The following ENTPD1 variants were observed in gnomAD, a reference collection of about 807,000 sequenced individuals.
The protein encoded by ENTPD1 is ATP diphosphohydrolase.
Under a neutral mutation model 57.0 loss-of-function variants are expected in ENTPD1, and 33 were observed. That is an observed-to-expected ratio of 0.58 (90% CI 0.44 to 0.77). The LOEUF (loss-of-function observed/expected upper bound fraction) is 0.77. Ranked by LOEUF, ENTPD1 falls within the 30% of genes least tolerant of loss-of-function variation. ENTPD1 has a pLI of 0.00. For missense variants in ENTPD1, 501 were observed against 603.4 expected (o/e 0.83, Z 1.78); for synonymous variants, 202 against 218.8 (o/e 0.92, Z 0.68).
chr10:95,719,340 C>T (rs558701790), intron 1 of ENTPD1, among the ~76,000 whole-genome samples: 16 of 152,316 alleles, frequency 1.1e-4, no homozygotes, highest in South Asian at 1.0e-3. Context: ...CCTGGAAAGC[C>T]GCTTCTGCTT....
Position 95,873,832 on chromosome 10 carries a change from A to G in ENTPD1, c.*7449A>G. 1 of 414,184 alleles carries G rather than the reference A, an allele frequency of 2.4e-6. No individual in the cohort carries two copies. The highest frequency in any genetic ancestry group is 3.3e-6 in the Non-Finnish European group (1 of 307,454). The allele number at this position is 414,184 out of a possible 1,614,324, so 25.7% of individuals were successfully genotyped here. ...AGGTGGGAGGCAAAAGGTACTTCTT[A>G]CGTGGTGGCATCAAGAGCAAAATGA... On this transcript the variant is annotated 3_prime_UTR_variant, in exon 10 of 10. Transcript: ENST00000371205.
exon 1 of ENTPD1, chr10:95,711,899 T>C: frequency 6.2e-7 from 1 of 1,611,806 alleles, no homozygotes; most frequent in African/African-American, 1.3e-5. Flanking sequence ...CCTTGGCCCC[T>C]CCAGTTTTGG....
At chr10:95,704,704 C>T in the ENTPD1 span, among the ~76,000 whole-genome samples, 75 of 152,078 alleles carry the variant, frequency 4.9e-4, no homozygotes, top group Non-Finnish European at 7.5e-4. Flanking sequence ...TAAGATAATA[C>T]GATCCTGAGG....
At chr10:95,843,293 T>C (rs1250062749) in intron 4 of ENTPD1, 1 of 152,242 alleles carries the variant, frequency 6.6e-6, no homozygotes, top group Non-Finnish European at 1.5e-5. Flanking sequence ...TTCTACCGGA[T>C]GTGCAAAGGT....
intron 1 of ENTPD1, among the ~76,000 whole-genome samples, chr10:95,772,057 A>C (rs1306369723): frequency 6.6e-6 from 1 of 152,224 alleles, no homozygotes; most frequent in Non-Finnish European, 1.5e-5. Flanking sequence ...GTACAATAGC[A>C]TTATGTTTAA....
chr10:95,839,465 A>G lies in ENTPD1; in HGVS notation c.145-226A>G. 6 of 569,762 alleles carry G rather than the reference A, an allele frequency of 1.1e-5. 1 individual carries two copies. The highest frequency in any genetic ancestry group is 1.9e-5 in the Non-Finnish European group (6 of 316,586). 35.3% of individuals were successfully genotyped at this position (569,762 alleles called of 1,614,324 possible). On this transcript the variant is annotated intron_variant, in intron 2 of 9. Transcript: ENST00000371205. ...CTGCTTCTTGGGCCCTGTTCTGCAT[A>G]AGGTCTGAATATTTCTAACATGCAA...
At chr10:95,844,889 T>A (rs568856977) in intron 5 of ENTPD1, 1 of 561,894 alleles carries the variant, frequency 1.8e-6, no homozygotes, top group African/African-American at 1.9e-5. Context: ...AATTAAAAAT[T>A]TATCATTAAA....
chr10:95,811,075 A>T (rs1473039168), intron 1 of ENTPD1, among the ~76,000 whole-genome samples: 1 of 152,246 alleles, frequency 6.6e-6, no homozygotes, highest in Non-Finnish European at 1.5e-5. Flanking sequence ...ATAGACATTT[A>T]ATTGCATGAC....
chr10:95,796,161 A>G (rs903533318), intron 1 of ENTPD1, among the ~76,000 whole-genome samples: 16 of 152,220 alleles, frequency 1.1e-4, no homozygotes, highest in Non-Finnish European at 1.9e-4. Context: ...CACTCATTCA[A>G]CTGACATATG....
upstream of ENTPD1, chr10:95,755,558 G>A (rs1271290701): frequency 1.7e-5 from 12 of 703,226 alleles, no homozygotes; most frequent in Non-Finnish European, 2.8e-5. Context: ...TCATAGCCAG[G>A]CAGCGGTTCC....
At chr10:95,710,021 C>A (rs1227521739), upstream of ENTPD1, among the ~76,000 whole-genome samples, 1 of 151,446 alleles carries the variant, frequency 6.6e-6, no homozygotes, top group Admixed American at 6.6e-5. Context: ...TGATCCACCC[C>A]CCTCGGCCTC....
rs2098481080 is a variant in ENTPD1 at position 95,872,052 on chromosome 10, G to C, written c.*5669G>C. 1.0e-6 allele frequency: 1 copy of C among 985,162 alleles called. No individual in the cohort carries two copies. 61.0% of individuals were successfully genotyped at this position (985,162 alleles called of 1,614,324 possible). A position where few individuals can be genotyped will look rare whatever the true frequency, so the allele number is the denominator to read the frequency against. On this transcript the variant is annotated 3_prime_UTR_variant, in exon 10 of 10. Transcript: ENST00000371205. ...TGAACCAAGATCAGCTCCATCACTG[G>C]GACCTCCCCATTCTGCCTGTGCAAT... is the stretch of plus-strand genomic sequence containing the variant.
At chr10:95,723,282 G>C (rs2097979579) in intron 1 of ENTPD1, among the ~76,000 whole-genome samples, 3 of 151,764 alleles carry the variant, frequency 2.0e-5, no homozygotes, top group Admixed American at 2.0e-4. Context: ...TTCTCTCTTT[G>C]ACTCCCTCTT....
exon 1 of ENTPD1, chr10:95,711,904 T>C: frequency 1.2e-6 from 2 of 1,611,962 alleles, no homozygotes; most frequent in Non-Finnish European, 1.7e-6. Flanking sequence ...GCCCCTCCAG[T>C]TTTGGTGCTG....
chr10:95,732,914 T>G (rs572043444), intron 1 of ENTPD1, among the ~76,000 whole-genome samples: 1 of 152,242 alleles, frequency 6.6e-6, no homozygotes, highest in Non-Finnish European at 1.5e-5. Context: ...CAGGGTGAGA[T>G]CACAGGACGG....
At chr10:95,816,407 T>A (rs2098330253) in intron 1 of ENTPD1, among the ~76,000 whole-genome samples, 1 of 152,132 alleles carries the variant, frequency 6.6e-6, no homozygotes, top group South Asian at 2.1e-4. Flanking sequence ...TAATGATAAT[T>A]ATAATAGTGA....
chr10:95,767,783 T>C (rs2098095769), intron 1 of ENTPD1, among the ~76,000 whole-genome samples: 1 of 152,162 alleles, frequency 6.6e-6, no homozygotes, highest in Non-Finnish European at 1.5e-5. Flanking sequence ...CTCCATTGTC[T>C]TGAGAAGTTT....
Position 95,873,607 on chromosome 10 carries a change from T to C in ENTPD1, c.*7224T>C. 1.0e-6 allele frequency: 1 copy of C among 985,476 alleles called. No individual in the cohort carries two copies. The highest frequency in any genetic ancestry group is 1.2e-6 in the Non-Finnish European group (1 of 829,942). The allele number at this position is 985,476 out of a possible 1,614,324, so 61.0% of individuals were successfully genotyped here. ...AGTTTAGCTGGTTTCTTATTACTCC[T>C]GTCTATGGATGTTTCCTTCTGTCAC... On this transcript the variant is annotated 3_prime_UTR_variant, in exon 10 of 10. Coordinates refer to ENST00000371205, the MANE Select transcript of ENTPD1 (RefSeq NM_001776.6).
At chr10:95,711,914 G>A in exon 1 of ENTPD1, 1 of 1,612,200 alleles carries the variant, frequency 6.2e-7, no homozygotes, top group Non-Finnish European at 8.5e-7. Context: ...TTTTGGTGCT[G>A]TGAACAGGAT....
Sources: allele counts gnomAD v4.1 joint callset (sites outside exome capture counted in the v4.1 genomes callset), GRCh38; gene constraint gnomAD v4.1.1; transcripts MANE v1.5; gene names NCBI Gene and HGNC (gene_info 2026-07-23, HGNC 2026-07-21).